The following SLC11A2 variants were observed in gnomAD, a reference collection of about 807,000 sequenced individuals.
SLC11A2 encodes the protein natural resistance-associated macrophage protein 2.
Under a neutral mutation model 68.0 loss-of-function variants are expected in SLC11A2, and 38 were observed. The ratio of observed to expected loss-of-function variants is 0.56; its 90% CI spans 0.43 to 0.73. The LOEUF (loss-of-function observed/expected upper bound fraction) is 0.73. Among genes scored for constraint, SLC11A2 ranks in the 30% least tolerant of loss-of-function variants. SLC11A2 has a pLI of 0.00. For missense variants in SLC11A2, 517 were observed against 690.5 expected, an observed-to-expected ratio of 0.75 and a Z score of 2.82; for synonymous variants, 242 against 250.6, an observed-to-expected ratio of 0.97 and a Z score of 0.32.
rs1187354119 is a variant in SLC11A2 at position 50,986,733 on chromosome 12, C to T, written c.*1592G>A. 2.3e-6 allele frequency: 3 copies of T among 1,287,072 alleles called. No individual in the cohort carries two copies. In the African/African-American group the frequency reaches 4.6e-5, roughly 20 times the overall value. 79.7% of individuals were successfully genotyped at this position (1,287,072 alleles called of 1,614,324 possible). ...GAAGAGGAATGGTTAGGGGAATTGT[C>T]ATTCATAACTCTGTGCTATATTACT... On this transcript the variant is annotated 3_prime_UTR_variant, in exon 16 of 16. Transcript: ENST00000262052.
At chr12:51,024,239 C>A (rs1301305321) in intron 1 of SLC11A2, 2 of 152,122 alleles carry the variant, frequency 1.3e-5, no homozygotes, top group Non-Finnish European at 2.9e-5. Flanking sequence ...GATAGCACCA[C>A]GAGAATATGA....
At chr12:51,007,479 C>T (rs987115205) in intron 3 of SLC11A2, among the ~76,000 whole-genome samples, 6 of 149,930 alleles carry the variant, frequency 4.0e-5, no homozygotes. Flanking sequence ...GGATTACAGG[C>T]ACCCACCACT....
the SLC11A2 span, among the ~76,000 whole-genome samples, chr12:50,964,194 G>A: frequency 6.6e-6 from 1 of 152,168 alleles, no homozygotes; most frequent in Non-Finnish European, 1.5e-5. Context: ...ATCAAAATAA[G>A]GAAGAAACAC....
downstream of SLC11A2, among the ~76,000 whole-genome samples, chr12:50,974,504 A>G (rs1939823387): frequency 6.6e-6 from 1 of 152,350 alleles, no homozygotes; most frequent in Middle Eastern, 3.4e-3. Flanking sequence ...AAACATAGAA[A>G]GGAACAACTG....
chr12:51,007,321 A>G (rs1470839265), intron 3 of SLC11A2, among the ~76,000 whole-genome samples: 1 of 152,036 alleles, frequency 6.6e-6, no homozygotes, highest in East Asian at 1.9e-4. Context: ...AACATTTTAC[A>G]GAGTTTGACT....
At chr12:50,993,594 G>GC (rs1555217577) in intron 11 of SLC11A2, among the ~76,000 whole-genome samples, 1 of 130,900 alleles carries the variant, frequency 7.6e-6, no homozygotes, top group Non-Finnish European at 1.6e-5. Flanking sequence ...GGGAGGCCGA[G>GC]GGGGGGGTGG....
At chr12:50,995,173 G>A (rs1941587615) in intron 10 of SLC11A2, 3 of 239,012 alleles carry the variant, frequency 1.3e-5, no homozygotes, top group South Asian at 1.1e-4. Context: ...TTAGCTGGGT[G>A]TGGTGGCAGG....
the SLC11A2 span, among the ~76,000 whole-genome samples, chr12:50,972,856 G>T: frequency 6.6e-6 from 1 of 152,208 alleles, no homozygotes; most frequent in Non-Finnish European, 1.5e-5. Context: ...CCCGCGCATG[G>T]CTCACAGGGT....
At chr12:51,003,492 C>G (rs1942448779) in intron 5 of SLC11A2, among the ~76,000 whole-genome samples, 1 of 151,420 alleles carries the variant, frequency 6.6e-6, no homozygotes, top group African/African-American at 2.4e-5. Flanking sequence ...CTGTAGTGAG[C>G]TGAGATCACA....
chr12:50,992,102 C>A, intron 13 of SLC11A2, 88 bp downstream of exon 13: 1 of 1,295,592 alleles, frequency 7.7e-7, no homozygotes. Flanking sequence ...CTCAATATCC[C>A]CCCAGCACTC....
chr12:50,978,108 G>T (rs1939874101), downstream of SLC11A2, among the ~76,000 whole-genome samples: 1 of 152,154 alleles, frequency 6.6e-6, no homozygotes, highest in Non-Finnish European at 1.5e-5. Context: ...TCTAGAACCA[G>T]AAATACCATT....
At chr12:50,989,384 A>G (rs1451069979) in intron 15 of SLC11A2, among the ~76,000 whole-genome samples, 1 of 152,206 alleles carries the variant, frequency 6.6e-6, no homozygotes, top group Non-Finnish European at 1.5e-5. Flanking sequence ...CCAACTACTC[A>G]GGAGGCTAAG....
At chr12:50,984,258 A>G (rs1016213362), downstream of SLC11A2, among the ~76,000 whole-genome samples, 5 of 152,218 alleles carry the variant, frequency 3.3e-5, no homozygotes, top group Non-Finnish European at 7.4e-5. Context: ...CTGTGTGAAG[A>G]CAGATTAGAC....
At position 50,986,163 on chromosome 12, in the gene SLC11A2, C is replaced by A. The variant is rs1182560890; in HGVS notation, c.*2162G>T. On this transcript the variant is annotated 3_prime_UTR_variant, in exon 16 of 16. Coordinates refer to ENST00000262052, the MANE Select transcript of SLC11A2 (RefSeq NM_000617.3). Reference sequence around the variant, plus strand: ...GTATAATGTAGCAGCACAATTATTTCATGTCACATTTAAGAAGAACAAGAA... The same window carrying A: ...GTATAATGTAGCAGCACAATTATTTAATGTCACATTTAAGAAGAACAAGAA... The A allele has an allele frequency of 7.8e-7, 1 of 1,285,610 alleles. No homozygotes were observed. Among genetic ancestry groups the A allele is most frequent in the Admixed American group, 2.3e-5 (1 of 43,454 alleles). 79.6% of individuals were successfully genotyped at this position (1,285,610 alleles called of 1,614,324 possible). A position where few individuals can be genotyped will look rare whatever the true frequency, so the allele number is the denominator to read the frequency against.
Position 50,988,165 on chromosome 12 carries a change from C to T in SLC11A2, c.*160G>A. The T allele has an allele frequency of 6.5e-7, 1 of 1,529,182 alleles. No individual in the cohort carries two copies. Among genetic ancestry groups the T allele is most frequent in the Non-Finnish European group, 8.8e-7 (1 of 1,139,768 alleles). The allele number at this position is 1,529,182 out of a possible 1,614,324, so 94.7% of individuals were successfully genotyped here. ...TTAGGTCAGGAAGGAAAAAATAATT[C>T]CATCTTTCAAATACACATGAAACAA... On this transcript the variant is annotated 3_prime_UTR_variant, in exon 16 of 16. Coordinates refer to ENST00000262052, the MANE Select transcript of SLC11A2 (RefSeq NM_000617.3).
downstream of SLC11A2, among the ~76,000 whole-genome samples, chr12:50,977,646 G>A (rs1592279560): frequency 6.6e-6 from 1 of 152,198 alleles, no homozygotes; most frequent in East Asian, 1.9e-4. Context: ...ATTGACAAAT[G>A]GGATCTAATT....
the SLC11A2 span, among the ~76,000 whole-genome samples, chr12:50,966,499 A>T: frequency 1.3e-5 from 2 of 152,170 alleles, no homozygotes; most frequent in Non-Finnish European, 2.9e-5. Context: ...ATGCCAGTAG[A>T]ACTCCTTCCC....
chr12:51,016,637 G>A (rs993312934), intron 1 of SLC11A2, among the ~76,000 whole-genome samples: 23 of 148,428 alleles, frequency 1.5e-4, no homozygotes, highest in African/African-American at 4.5e-4. Flanking sequence ...GGTTGAGATC[G>A]CACCATTGCA....
downstream of SLC11A2, among the ~76,000 whole-genome samples, chr12:50,978,106 C>T (rs974803545): frequency 3.3e-5 from 5 of 152,038 alleles, no homozygotes; most frequent in Non-Finnish European, 7.4e-5. Flanking sequence ...GATCTAGAAC[C>T]AGAAATACCA....
Sources: allele counts gnomAD v4.1 joint callset (sites outside exome capture counted in the v4.1 genomes callset), GRCh38; gene constraint gnomAD v4.1.1; transcripts MANE v1.5; gene names NCBI Gene and HGNC (gene_info 2026-07-23, HGNC 2026-07-21).